SMCHD1: variants seen among roughly 807,000 people sequenced by gnomAD.
The protein encoded by SMCHD1 is structural maintenance of chromosomes flexible hinge domain-containing protein 1.
In SMCHD1, 78 loss-of-function variants were observed where a neutral mutation model predicts 254.7. The ratio of observed to expected loss-of-function variants is 0.31; its 90% CI spans 0.26 to 0.37. The LOEUF (loss-of-function observed/expected upper bound fraction) is 0.37. Among genes scored for constraint, SMCHD1 ranks in the 10% least tolerant of loss-of-function variants. SMCHD1 has a pLI of 1.00. For missense variants in SMCHD1, 1,840 were observed against 2,408.1 expected (o/e 0.76, Z 4.94); for synonymous variants, 766 against 794.9 (o/e 0.96, Z 0.61).
At chr18:2,793,324 G>A (rs764829757) in intron 45 of SMCHD1, among the ~76,000 whole-genome samples, 2 of 152,008 alleles carry the variant, frequency 1.3e-5, no homozygotes, top group Non-Finnish European at 2.9e-5. Flanking sequence ...TCTTAATATT[G>A]TGACTCATTT....
chr18:2,763,161 C>T (rs982031037), intron 36 of SMCHD1, among the ~76,000 whole-genome samples: 1 of 152,168 alleles, frequency 6.6e-6, no homozygotes, highest in African/African-American at 2.4e-5. Context: ...TTTCCCAAAA[C>T]ATCTTGTTGG....
At chr18:2,711,139 C>T (rs1405628448) in intron 17 of SMCHD1, among the ~76,000 whole-genome samples, 8 of 150,236 alleles carry the variant, frequency 5.3e-5, no homozygotes, top group Non-Finnish European at 1.2e-4. Context: ...TTGCACCCAG[C>T]TAATTTTTTT....
chr18:2,762,665 G>C (rs1056054530), intron 36 of SMCHD1, among the ~76,000 whole-genome samples: 1 of 151,814 alleles, frequency 6.6e-6, no homozygotes, highest in East Asian at 1.9e-4. Context: ...TTTTTTTTCT[G>C]TGGGGTTTTG....
At chr18:2,717,188 T>C (rs669666) in intron 17 of SMCHD1, among the ~76,000 whole-genome samples, 48,514 of 151,950 alleles carry the variant, frequency 0.32, 9,771 homozygotes, top group Non-Finnish European at 0.45. Context: ...TTCCCACTGT[T>C]CCCAATGCTC....
rs1172211123 is a variant in SMCHD1 at position 2,743,817 on chromosome 18, A to C, written c.3690A>C (p.Gly1230=). 1 of 1,613,236 alleles carries C rather than the reference A, an allele frequency of 6.2e-7. No individual in the cohort carries two copies. Among genetic ancestry groups the C allele is most frequent in the Non-Finnish European group, 8.5e-7 (1 of 1,179,526 alleles). Residue 1230 remains glycine, a synonymous_variant, in exon 29 of 48, where the codon GGA becomes GGC. Coordinates refer to ENST00000320876, the MANE Select transcript of SMCHD1 (RefSeq NM_015295.3). The part of the protein sequence containing the change: ...RGIKFIPGPP[G]NKDLCFTWRE... Reference sequence around the variant, plus strand: ...TCAAATTTATTCCAGGTCCTCCTGGAAATAAGGATCTTTGTTTTACTTGGC... The same window carrying C: ...TCAAATTTATTCCAGGTCCTCCTGGCAATAAGGATCTTTGTTTTACTTGGC...
At chr18:2,707,534 G>A (rs766555994) in intron 15 of SMCHD1, 29 bp from the exon 16 acceptor site, 1 of 1,394,432 alleles carries the variant, frequency 7.2e-7, no homozygotes, top group Non-Finnish European at 9.9e-7. Context: ...CAAAGTTTGT[G>A]GAACATTAAT....
At chr18:2,749,287 C>G (rs72864678) in intron 30 of SMCHD1, among the ~76,000 whole-genome samples, 153 of 152,216 alleles carry the variant, frequency 1.0e-3, no homozygotes, top group Non-Finnish European at 1.8e-3. Context: ...CCATTATTAC[C>G]TACTCTTTAG....
In SMCHD1 at chr18:2,788,651, A is replaced by G. The variant is rs1195717553; in HGVS notation, c.5719+4030A>G. 3.9e-5 allele frequency among the ~76,000 whole-genome samples: 6 copies of G among 151,930 alleles called. No homozygotes were observed. In the East Asian group the frequency reaches 9.7e-4, roughly 24 times the overall value. ...ACAGAGTCTCGCTCTGTTGCCCAAG[A>G]TGGAGTGCAGTGGCTTGATCTAATT... On this transcript the variant is annotated intron_variant, in intron 45 of 47. Transcript: ENST00000320876.
At chr18:2,713,060 A>T (rs1042253672) in intron 17 of SMCHD1, among the ~76,000 whole-genome samples, 4 of 152,228 alleles carry the variant, frequency 2.6e-5, no homozygotes, top group Non-Finnish European at 5.9e-5. Context: ...CTATTTGGAA[A>T]GCGTCAGGTA....
chr18:2,707,495 C>A, intron 15 of SMCHD1, 68 bp from the exon 16 acceptor site: 1 of 896,928 alleles, frequency 1.1e-6, no homozygotes, highest in Non-Finnish European at 1.7e-6. Context: ...TCTAATAACT[C>A]GTATCTTTTT....
intron 16 of SMCHD1, 25 bp downstream of exon 16, chr18:2,707,670 C>T (rs1443927388): frequency 1.3e-6 from 2 of 1,521,122 alleles, no homozygotes; most frequent in South Asian, 1.2e-5. Flanking sequence ...TTTTCTAATA[C>T]CAAAAAGTGT....
At chr18:2,733,580 T>A (rs139221023) in intron 25 of SMCHD1, among the ~76,000 whole-genome samples, 2,725 of 152,334 alleles carry the variant, frequency 0.018, 40 homozygotes, top group Middle Eastern at 0.1. Context: ...ACATTTGTTG[T>A]GTTCCCACTT....
chr18:2,732,337 A>G lies in SMCHD1; in HGVS notation c.3121A>G (p.Ile1041Val), dbSNP rs769199963. The change falls in exon 25 of 48, where the codon ATA becomes GTA. Residue 1041 changes from isoleucine to valine, a missense_variant. By Grantham distance (29) the Ile-to-Val change is conservative. Transcript: ENST00000320876. ...CAGTAGCCATGTTGCAAGACTACAA[A>G]TATTCAGTGTAGAAGGACAAAAGGC... ...LPSSHVARLQ[I>V]FSVEGQKAIQ... 2 of 1,613,900 alleles carry G rather than the reference A, an allele frequency of 1.2e-6. No individual in the cohort carries two copies. Among genetic ancestry groups the G allele is most frequent in the South Asian group, 1.1e-5 (1 of 91,080 alleles).
rs1214246455 is a variant in SMCHD1 at position 2,740,807 on chromosome 18, A to G, written c.3619A>G (p.Lys1207Glu). 36 of 1,600,502 alleles carry G rather than the reference A, an allele frequency of 2.2e-5. No homozygotes were observed. The highest frequency in any genetic ancestry group is 3.1e-5 in the Non-Finnish European group (36 of 1,170,018). The change falls in exon 28 of 48, where the codon AAA becomes GAA. Residue 1207 changes from lysine to glutamate, a missense_variant. Lys to Glu is a moderately conservative substitution (Grantham distance 56). Around this residue, in one of 9 missense-constraint regions of SMCHD1, gnomAD observed 881 missense variants for 1,009.5 expected, o/e 0.87. Transcript: ENST00000320876. The part of the protein sequence containing the change: ...AGVGLDSSNL[K>E]TTFQENTQSI... ...GGTTGGACTTGATAGCTCAAATTTG[A>G]AAACAACCTTTCAGGTATGGCTACT...
chr18:2,784,857 TTCC>T (rs1206811788), intron 45 of SMCHD1: 1 of 522,854 alleles, frequency 1.9e-6, no homozygotes, highest in African/African-American at 1.9e-5. Context: ...CATGCCTGTG[TTCC>T]CAGCTACTCA....
chr18:2,743,870 A>C lies in SMCHD1; in HGVS notation c.3743A>C (p.Gln1248Pro), dbSNP rs936898120. The C allele has an allele frequency of 9.9e-6, 16 of 1,613,242 alleles. No homozygotes were observed. The highest frequency in any genetic ancestry group is 1.4e-5 in the Non-Finnish European group (16 of 1,179,626). The change falls in exon 29 of 48, where the codon CAA becomes CCA. Residue 1248 changes from glutamine to proline, a missense_variant. This residue lies in a region of SMCHD1 where 881 missense variants were observed against 1,009.5 expected (regional missense o/e 0.87). Coordinates refer to ENST00000320876, the MANE Select transcript of SMCHD1 (RefSeq NM_015295.3). ...WREFSDFIRV[Q>P]LISGPPAKLL... ...GAGTTTTCTGACTTTATTCGAGTGC[A>C]ACTAATTTCTGGACCTCCTGCTAAA...
At chr18:2,678,642 C>T (rs2073833118) in intron 5 of SMCHD1, among the ~76,000 whole-genome samples, 1 of 151,854 alleles carries the variant, frequency 6.6e-6, no homozygotes, top group Admixed American at 6.6e-5. Context: ...TATGTAATTA[C>T]CGCTACCTTA....
intron 17 of SMCHD1, among the ~76,000 whole-genome samples, chr18:2,708,867 CATATAT>C (rs763226355): frequency 0.019 from 158 of 8,288 alleles, 9 homozygotes; most frequent in Non-Finnish European, 0.032. Flanking sequence ...TCAATAACTT[CATATAT>C]ATATATATAT....
chr18:2,725,621 C>T (rs549283784), intron 21 of SMCHD1, among the ~76,000 whole-genome samples: 53 of 151,862 alleles, frequency 3.5e-4, no homozygotes, highest in Non-Finnish European at 6.5e-4. Context: ...TGTATCATTA[C>T]TTTAAATATT....
Sources: gnomAD v4.1 joint callset for allele counts (sites outside exome capture counted in the v4.1 genomes callset) on GRCh38, gnomAD v4.1.1 for gene constraint, gnomAD v4.1.1 regional missense constraint, MANE v1.5 for transcripts, NCBI Gene and HGNC (gene_info 2026-07-23, HGNC 2026-07-21) for gene names.